The following SHANK2 variants were observed in gnomAD, a reference collection of about 807,000 sequenced individuals.
The protein encoded by SHANK2 is SH3 and multiple ankyrin repeat domains protein 2.
SHANK2 carries 43 observed loss-of-function variants against 133.7 expected under a neutral mutation model. That is an observed-to-expected ratio of 0.32 (90% CI 0.25 to 0.41). The LOEUF (loss-of-function observed/expected upper bound fraction) is 0.41, where lower values mean the gene tolerates loss of function less well. SHANK2 is among the 10% of genes least tolerant of loss of function. The pLI is 1.00. For missense variants in SHANK2, 1,994 were observed against 2,235.8 expected (o/e 0.89, Z 2.18); for synonymous variants, 1,017 against 952.8 (o/e 1.07, Z -1.24).
At chr11:71,207,726 C>T (rs1954156945) in intron 2 of SHANK2, among the ~76,000 whole-genome samples, 1 of 152,124 alleles carries the variant, frequency 6.6e-6, no homozygotes, top group South Asian at 2.1e-4. Context: ...CCCGTGTGAC[C>T]CCGTCTCTCT....
At chr11:71,122,840 C>A (rs1952105350) in intron 3 of SHANK2, among the ~76,000 whole-genome samples, 1 of 152,116 alleles carries the variant, frequency 6.6e-6, no homozygotes, top group Non-Finnish European at 1.5e-5. Context: ...AGGAACCAAC[C>A]TTGCCTACCC....
intron 17 of SHANK2, among the ~76,000 whole-genome samples, chr11:70,563,112 G>A (rs781862312): frequency 1.1e-4 from 16 of 152,234 alleles, no homozygotes; most frequent in South Asian, 4.2e-4. Flanking sequence ...CTCGTGATCC[G>A]CCCACCCTGG....
At chr11:70,513,830 A>G (rs1036916766) in intron 17 of SHANK2, among the ~76,000 whole-genome samples, 1 of 152,236 alleles carries the variant, frequency 6.6e-6, no homozygotes, top group African/African-American at 2.4e-5. Context: ...GAAGAGAGAA[A>G]AAAAGATTTT....
intron 17 of SHANK2, among the ~76,000 whole-genome samples, chr11:70,559,734 A>G (rs1478898021): frequency 1.3e-5 from 2 of 151,916 alleles, no homozygotes; most frequent in African/African-American, 4.8e-5. Context: ...TCTCCCCAAA[A>G]CAGAAGACGG....
intron 10 of SHANK2, among the ~76,000 whole-genome samples, chr11:70,902,095 G>A (rs1555076888): frequency 6.6e-6 from 1 of 152,186 alleles, no homozygotes; most frequent in Non-Finnish European, 1.5e-5. Context: ...CAGGAGGCTG[G>A]GAGAATTCAG....
At position 70,473,302 on chromosome 11, in the gene SHANK2, C is replaced by T. The variant is rs782013439; in HGVS notation, c.5117G>A (p.Arg1706His). Reference protein sequence around the residue: ...DYESRTSGTRRAPSPVVSPTE... With the variant: ...DYESRTSGTRHAPSPVVSPTE... The stretch of plus-strand genomic sequence containing the variant: ...TGGCGAGACCACAGGGCTTGGGGCA[C>T]GTCTTGTTCCTGAGGTCCTGCTTTC... Residue 1706 changes from arginine (R) to histidine (H), a missense_variant, in exon 26 of 26, where the codon CGT (arginine) becomes CAT (histidine). By Grantham distance (29) the Arg-to-His change is conservative. Coordinates refer to ENST00000601538, the MANE Select transcript of SHANK2 (RefSeq NM_012309.5). The surrounding 1 kb of genome is among the most constrained non-coding windows in gnomAD (Gnocchi z 5.9). 1.1e-5 allele frequency: 17 copies of T among 1,613,800 alleles called. No individual in the cohort carries two copies. The highest frequency in any genetic ancestry group is 8.9e-5 in the East Asian group (4 of 44,884).
intron 15 of SHANK2, among the ~76,000 whole-genome samples, chr11:70,671,624 C>G (rs1944810539): frequency 6.6e-6 from 1 of 152,236 alleles, no homozygotes; most frequent in African/African-American, 2.4e-5. Context: ...CTGAGATCAG[C>G]AGAGGCCTGC....
intron 7 of SHANK2, among the ~76,000 whole-genome samples, chr11:71,093,943 G>A (rs951739968): frequency 3.3e-5 from 5 of 152,126 alleles, no homozygotes; most frequent in African/African-American, 9.7e-5. Context: ...GTCCAGAGGC[G>A]CCGTGGCTGC....
At chr11:71,183,869 A>C (rs1324545743) in intron 2 of SHANK2, among the ~76,000 whole-genome samples, 1 of 152,154 alleles carries the variant, frequency 6.6e-6, no homozygotes, top group Non-Finnish European at 1.5e-5. Flanking sequence ...TATTGGGGAG[A>C]GGGAAGCTAA....
intron 13 of SHANK2, 34 bp from the exon 14 acceptor site, chr11:70,798,590 G>T (rs185909380): frequency 3.7e-4 from 268 of 717,772 alleles, no homozygotes; most frequent in Non-Finnish European, 5.7e-4. Context: ...GTGTTAGCAG[G>T]GGGGACGTGG....
At chr11:71,127,375 C>A (rs1251492789) in intron 3 of SHANK2, among the ~76,000 whole-genome samples, 1 of 152,198 alleles carries the variant, frequency 6.6e-6, no homozygotes, top group African/African-American at 2.4e-5. Flanking sequence ...AGATTTCATC[C>A]AATTTTGAAA....
At position 70,469,964 on chromosome 11, in the gene SHANK2, T is replaced by C. The variant is rs2058578372; in HGVS notation, c.*2905A>G. On this transcript the variant is annotated 3_prime_UTR_variant, in exon 26 of 26. Transcript: ENST00000601538. ...ATATTACAGAAACTAGGCATGTAAA[T>C]GCAGTTTATTTAAATTACAGTATGT... The C allele has an allele frequency of 6.6e-6, 1 of 152,606 alleles. No homozygotes were observed. The highest frequency in any genetic ancestry group is 6.5e-5 in the Admixed American group (1 of 15,286). 9.5% of individuals were successfully genotyped at this position (152,606 alleles called of 1,614,324 possible).
intron 25 of SHANK2, among the ~76,000 whole-genome samples, chr11:70,477,111 C>T (rs2058674011): frequency 6.6e-6 from 1 of 152,150 alleles, no homozygotes; most frequent in Non-Finnish European, 1.5e-5. Flanking sequence ...GCGAGAGTGG[C>T]ACACACGGGG....
intron 11 of SHANK2, among the ~76,000 whole-genome samples, chr11:70,875,622 A>T (rs1555071067): frequency 6.6e-6 from 1 of 152,140 alleles, no homozygotes; most frequent in African/African-American, 2.4e-5. Flanking sequence ...ACACTTTGGG[A>T]GGCCAAGGCA....
At chr11:71,216,861 T>C (rs1015653600) in intron 2 of SHANK2, among the ~76,000 whole-genome samples, 2 of 152,250 alleles carry the variant, frequency 1.3e-5, no homozygotes, top group African/African-American at 4.8e-5. Flanking sequence ...TACTGGTTTA[T>C]GCATTTACTA....
At chr11:70,553,925 C>T (rs1554978857) in intron 17 of SHANK2, among the ~76,000 whole-genome samples, 6 of 152,336 alleles carry the variant, frequency 3.9e-5, no homozygotes, top group South Asian at 2.1e-4. Context: ...GGGGTCCCTG[C>T]GTGTGCCGCA....
chr11:71,057,054 G>T (rs1950929869), intron 9 of SHANK2, among the ~76,000 whole-genome samples: 2 of 152,080 alleles, frequency 1.3e-5, no homozygotes, highest in African/African-American at 4.8e-5. Context: ...AATAATATTG[G>T]CCATGCGCAG....
At chr11:70,892,789 A>G (rs1369730459) in intron 11 of SHANK2, among the ~76,000 whole-genome samples, 1 of 152,092 alleles carries the variant, frequency 6.6e-6, no homozygotes, top group Admixed American at 6.6e-5. Flanking sequence ...ACCCAGAGGG[A>G]GCACGCATAG....
At chr11:71,151,360 CG>C (rs1328095718) in intron 2 of SHANK2, among the ~76,000 whole-genome samples, 1 of 152,166 alleles carries the variant, frequency 6.6e-6, no homozygotes, top group Non-Finnish European at 1.5e-5. Context: ...TGCCGGGTAG[CG>C]GGGTGCACTG....
Sources: allele counts gnomAD v4.1 joint callset (sites outside exome capture counted in the v4.1 genomes callset), GRCh38; gene constraint gnomAD v4.1.1; non-coding constraint Gnocchi (gnomAD v3.1); transcripts MANE v1.5; gene names NCBI Gene and HGNC (gene_info 2026-07-23, HGNC 2026-07-21).